The following CAMK2B variants were observed in gnomAD, a reference collection of about 807,000 sequenced individuals.
CAMK2B encodes the protein calcium/calmodulin dependent protein kinase II beta.
In CAMK2B, 27 loss-of-function variants were observed where a neutral mutation model predicts 93.7. That is an observed-to-expected ratio of 0.29 (90% CI 0.21 to 0.40). CAMK2B has a LOEUF of 0.40. CAMK2B is among the 10% of genes least tolerant of loss of function. CAMK2B has a pLI of 1.00. For missense variants in CAMK2B, 568 were observed against 895.8 expected, an observed-to-expected ratio of 0.63 and a Z score of 4.67; for synonymous variants, 374 against 358.8, an observed-to-expected ratio of 1.04 and a Z score of -0.48.
chr7:44,287,426 C>T (rs2129123410), intron 1 of CAMK2B, among the ~76,000 whole-genome samples: 1 of 152,332 alleles, frequency 6.6e-6, no homozygotes, highest in Middle Eastern at 3.4e-3. Context: ...CCCCGGGGAA[C>T]TTGGGCTGGC....
At chr7:44,257,978 T>A (rs1256062317) in intron 4 of CAMK2B, among the ~76,000 whole-genome samples, 3 of 152,228 alleles carry the variant, frequency 2.0e-5, no homozygotes, top group African/African-American at 2.4e-5. Context: ...CTTCTCTGGC[T>A]GTGTGGCCGC....
chr7:44,240,073 C>T (rs1249133294), intron 12 of CAMK2B, among the ~76,000 whole-genome samples: 4 of 152,160 alleles, frequency 2.6e-5, no homozygotes, highest in Non-Finnish European at 2.9e-5. Flanking sequence ...CGCTCGCACA[C>T]GGAGTGTCGG....
intron 20 of CAMK2B, among the ~76,000 whole-genome samples, chr7:44,226,284 G>C (rs1053544051): frequency 6.6e-6 from 1 of 152,100 alleles, no homozygotes; most frequent in Non-Finnish European, 1.5e-5. Context: ...TGCTCTTTCG[G>C]ACGCTCTTCC....
intron 1 of CAMK2B, among the ~76,000 whole-genome samples, chr7:44,290,730 T>G (rs1786557104): frequency 6.6e-6 from 1 of 152,254 alleles, no homozygotes; most frequent in Non-Finnish European, 1.5e-5. Flanking sequence ...ATTCTAATCT[T>G]GACCTAAGCA....
intron 2 of CAMK2B, among the ~76,000 whole-genome samples, chr7:44,281,082 G>A (rs958599151): frequency 2.0e-5 from 3 of 152,222 alleles, no homozygotes; most frequent in Non-Finnish European, 2.9e-5. Flanking sequence ...AGAACGTCAG[G>A]GAACACAGAA....
chr7:44,254,226 G>A (rs2096810520), intron 5 of CAMK2B, among the ~76,000 whole-genome samples: 1 of 152,220 alleles, frequency 6.6e-6, no homozygotes, highest in Non-Finnish European at 1.5e-5. Context: ...CTTGTGGGAA[G>A]GGCTGCCTGA....
Position 44,229,545 on chromosome 7 carries a change from C to T in CAMK2B, c.1226-44G>A, listed in dbSNP as rs1310134229. ...GGCAGGCAGGTGGGTGGTGCGCCCG[C>T]AGGAAAAGAAGGCAACTGGAGAAGG... On this transcript the variant is annotated intron_variant, in intron 17 of 23. Transcript: ENST00000395749. The T allele has an allele frequency of 2.1e-5, 21 of 1,006,510 alleles. No homozygotes were observed. The East Asian group carries it at 6.4e-4, about 31-fold the overall frequency. 62.3% of individuals were successfully genotyped at this position (1,006,510 alleles called of 1,614,324 possible). A position where few individuals can be genotyped will look rare whatever the true frequency, so the allele number is the denominator to read the frequency against.
rs142232269 is a variant in CAMK2B at position 44,228,940 on chromosome 7, T to C, written c.1340-16A>G. The C allele has an allele frequency of 8.7e-5, 140 of 1,606,840 alleles. No homozygotes were observed. In the African/African-American group the frequency reaches 1.2e-3, roughly 13 times the overall value. On this transcript the variant is annotated splice_polypyrimidine_tract_variant and intron_variant, in intron 18 of 23. Transcript: ENST00000395749. ...ATCCTGGGGGCTGGGGTGGAACAGA[T>C]GAGACGTGAACATGAGGCAGACAGA...
chr7:44,239,514 G>T, intron 13 of CAMK2B, 75 bp downstream of exon 13: 1 of 1,363,620 alleles, frequency 7.3e-7, no homozygotes. Flanking sequence ...GCCAGCGGCT[G>T]CGTGCAGCAG....
At chr7:44,300,020 CTGTG>C (rs143590426) in intron 1 of CAMK2B, among the ~76,000 whole-genome samples, 8,610 of 141,638 alleles carry the variant, frequency 0.061, 302 homozygotes, top group Non-Finnish European at 0.082. Flanking sequence ...GTGTATGTGT[CTGTG>C]TGTGTGTGTG....
chr7:44,274,567 C>T (rs1160964231), intron 2 of CAMK2B, among the ~76,000 whole-genome samples: 2 of 152,256 alleles, frequency 1.3e-5, no homozygotes, highest in African/African-American at 4.8e-5. Flanking sequence ...CTTCTCCTTC[C>T]ATCGGTGGTC....
Position 44,311,037 on chromosome 7 carries a change from A to G in CAMK2B, c.65+14320T>C, listed in dbSNP as rs1793396417. On this transcript the variant is annotated intron_variant, in intron 1 of 23. Coordinates refer to ENST00000395749, the MANE Select transcript of CAMK2B (RefSeq NM_001220.5). This position sits in a 1 kb window ranked among gnomAD's most constrained non-coding sequence, Gnocchi z 4.2. ...TTAAGAAATAATGACAGAAACTGGT[A>G]CTTGCAATGCTGTCTTTAAAATCTG... Among the ~76,000 whole-genome samples, 1 of 152,216 alleles carries G rather than the reference A, an allele frequency of 6.6e-6. No individual in the cohort carries two copies.
At chr7:44,307,289 G>C (rs1476169325) in intron 1 of CAMK2B, among the ~76,000 whole-genome samples, 1 of 138,006 alleles carries the variant, frequency 7.2e-6, no homozygotes, top group African/African-American at 2.7e-5. Flanking sequence ...TGTGAGCAGA[G>C]GGAAGAGGGT....
At chr7:44,288,052 C>T (rs1169263391) in intron 1 of CAMK2B, among the ~76,000 whole-genome samples, 1 of 152,196 alleles carries the variant, frequency 6.6e-6, no homozygotes. Flanking sequence ...CTTGTCCAGC[C>T]CAGCAGTACA....
chr7:44,239,259 G>A (rs1166683509), intron 13 of CAMK2B, among the ~76,000 whole-genome samples: 1 of 105,834 alleles, frequency 9.4e-6, no homozygotes, highest in Non-Finnish European at 1.9e-5. Flanking sequence ...CCCAGCAGCA[G>A]GCCCAGTGGC....
chr7:44,239,425 T>C (rs1011675035), intron 13 of CAMK2B, among the ~76,000 whole-genome samples, 164 bp downstream of exon 13: 10 of 152,182 alleles, frequency 6.6e-5, no homozygotes, highest in Non-Finnish European at 1.5e-4. Flanking sequence ...GCCCTTGTGG[T>C]GGGCTCTGCT....
chr7:44,288,774 G>T (rs1282224100), intron 1 of CAMK2B, among the ~76,000 whole-genome samples: 1 of 152,150 alleles, frequency 6.6e-6, no homozygotes, highest in Non-Finnish European at 1.5e-5. Flanking sequence ...TGGGAATGGA[G>T]GCCCGGAACT....
intron 22 of CAMK2B, 25 bp from the exon 23 acceptor site, chr7:44,220,319 G>T (rs764597728): frequency 1.3e-6 from 2 of 1,580,174 alleles, no homozygotes; most frequent in South Asian, 2.2e-5. Flanking sequence ...CGGGGCGGGG[G>T]TCTCGGGTTA....
intron 20 of CAMK2B, among the ~76,000 whole-genome samples, chr7:44,222,126 C>T (rs1207865972): frequency 1.3e-5 from 2 of 152,150 alleles, no homozygotes; most frequent in African/African-American, 4.8e-5. Context: ...CCTATACACA[C>T]GAGTAACAGT....
Sources: allele counts gnomAD v4.1 joint callset (sites outside exome capture counted in the v4.1 genomes callset), GRCh38; gene constraint gnomAD v4.1.1; non-coding constraint Gnocchi (gnomAD v3.1); transcripts MANE v1.5; gene names NCBI Gene and HGNC (gene_info 2026-07-23, HGNC 2026-07-21).